Variants in CPAMD8 observed in about 807,000 individuals in gnomAD.
The protein encoded by CPAMD8 is C3 and PZP like alpha-2-macroglobulin domain containing 8, also known as C3 and PZP-like alpha-2-macroglobulin domain-containing protein 8.
A neutral mutation model predicts 224.7 loss-of-function variants in CPAMD8; 146 were observed. The ratio of observed to expected loss-of-function variants is 0.65; its 90% CI spans 0.57 to 0.75. The LOEUF is 0.75. Ranked by LOEUF, CPAMD8 falls within the 30% of genes least tolerant of loss-of-function variation. The pLI is 0.00. For missense variants in CPAMD8, 2,301 were observed against 2,537.5 expected (o/e 0.91, Z 2.00); for synonymous variants, 966 against 1,044.6 (o/e 0.92, Z 1.45).
At chr19:16,978,756 T>TC (rs2055373486) in intron 14 of CPAMD8, among the ~76,000 whole-genome samples, 1 of 152,076 alleles carries the variant, frequency 6.6e-6, no homozygotes, top group Non-Finnish European at 1.5e-5. Flanking sequence ...TATCCATCCA[T>TC]CCATCTATCC....
intron 12 of CPAMD8, among the ~76,000 whole-genome samples, chr19:16,991,522 A>T (rs745323095): frequency 9.9e-5 from 15 of 152,064 alleles, no homozygotes; most frequent in Non-Finnish European, 1.6e-4. Context: ...TGGTTCCTCA[A>T]GGAGTCTGAG....
rs570753697 is a variant in CPAMD8 at position 16,984,693 on chromosome 19, A to G, written c.1396-4007T>C. Among the ~76,000 whole-genome samples, 46 of 152,356 alleles carry G rather than the reference A, an allele frequency of 3.0e-4. No homozygotes were observed. The Middle Eastern group carries it at 0.017, about 56-fold the overall frequency. On this transcript the variant is annotated intron_variant, in intron 13 of 41. Transcript: ENST00000443236. ...ATTTAGAAAGAACTTTCACGACTCA[A>G]CAAAGATAAACAACCCAATTATTAA...
intron 8 of CPAMD8, among the ~76,000 whole-genome samples, chr19:17,002,816 G>A (rs1325446816): frequency 2.0e-5 from 3 of 152,170 alleles, no homozygotes; most frequent in African/African-American, 7.2e-5. Flanking sequence ...TGACACCCTG[G>A]AGCAGCCGGT....
At position 16,980,757 on chromosome 19, in the gene CPAMD8, A is replaced by T. The variant is rs886674602; in HGVS notation, c.1396-71T>A. On this transcript the variant is annotated intron_variant, in intron 13 of 41. Transcript: ENST00000443236. ...TGCAACCCACCACAGGAAGACGGCC[A>T]TTCTGGGGCCAGAGGGAGGTTGGGA... 8.6e-6 allele frequency: 11 copies of T among 1,283,774 alleles called. 1 individual carries two copies. In the African/African-American group the frequency reaches 1.4e-4, roughly 16 times the overall value. 79.5% of individuals were successfully genotyped at this position (1,283,774 alleles called of 1,614,324 possible).
Position 16,994,674 on chromosome 19 carries a change from T to C in CPAMD8, c.1096-1088A>G, listed in dbSNP as rs2122951964. On this transcript the variant is annotated intron_variant, in intron 11 of 41. Coordinates refer to ENST00000443236, the MANE Select transcript of CPAMD8 (RefSeq NM_015692.5). ...CTGGGACCACAGGTGTACAATACCA[T>C]GCCTGGCTAATTTTAAAAAAAAATC... Among the ~76,000 whole-genome samples, 4 of 93,060 alleles carry C rather than the reference T, an allele frequency of 4.3e-5. No homozygotes were observed. In the Middle Eastern group the frequency reaches 0.018, roughly 423 times the overall value. The allele number at this position is 93,060 out of a possible 152,430, so 61.1% of individuals were successfully genotyped here. A position where few individuals can be genotyped will look rare whatever the true frequency, so the allele number is the denominator to read the frequency against.
At chr19:16,958,493 TACC>T (rs1481631861) in intron 18 of CPAMD8, among the ~76,000 whole-genome samples, 3 of 152,388 alleles carry the variant, frequency 2.0e-5, no homozygotes, top group South Asian at 2.1e-4. Context: ...GGTATTTCTG[TACC>T]ACATTTTATT....
intron 7 of CPAMD8, among the ~76,000 whole-genome samples, chr19:17,006,840 T>G (rs1031736281): frequency 2.6e-5 from 4 of 152,204 alleles, no homozygotes; most frequent in Admixed American, 2.6e-4. Flanking sequence ...ATCTCTGAGT[T>G]TTGAACTTCT....
chr19:16,977,760 G>C (rs918947669), intron 14 of CPAMD8, among the ~76,000 whole-genome samples: 3 of 152,146 alleles, frequency 2.0e-5, no homozygotes, highest in Non-Finnish European at 4.4e-5. Flanking sequence ...GGCTCCTACA[G>C]AGCAGGCTGG....
intron 18 of CPAMD8, among the ~76,000 whole-genome samples, chr19:16,958,620 C>T (rs1051402430): frequency 3.3e-5 from 5 of 152,004 alleles, no homozygotes; most frequent in African/African-American, 1.2e-4. Flanking sequence ...GATTTATATT[C>T]CTTTGAGTAT....
chr19:16,893,056 G>T lies in CPAMD8; in HGVS notation c.*52C>A. On this transcript the variant is annotated 3_prime_UTR_variant, in exon 42 of 42. Coordinates refer to ENST00000443236, the MANE Select transcript of CPAMD8 (RefSeq NM_015692.5). ...AGGCACAAGCTGGGTGTGTGGGTATGAATGGTCCCCAGGACCAAACTGCGG... is the reference window on the plus strand; with the variant it reads ...AGGCACAAGCTGGGTGTGTGGGTATTAATGGTCCCCAGGACCAAACTGCGG... 1.2e-6 allele frequency: 1 copy of T among 838,062 alleles called. No homozygotes were observed. Among genetic ancestry groups the T allele is most frequent in the Non-Finnish European group, 2.1e-6 (1 of 473,052 alleles). 51.9% of individuals were successfully genotyped at this position (838,062 alleles called of 1,614,324 possible). A position where few individuals can be genotyped will look rare whatever the true frequency, so the allele number is the denominator to read the frequency against.
intron 14 of CPAMD8, 103 bp from the exon 15 acceptor site, chr19:16,977,643 TCTACGC>T (rs1160512080): frequency 1.2e-6 from 1 of 801,664 alleles, no homozygotes; most frequent in African/African-American, 1.7e-5. Context: ...TATGCTCCTG[TCTACGC>T]ATTGAGACAG....
chr19:16,897,112 A>G (rs2052042350), intron 39 of CPAMD8: 1 of 106,188 alleles, frequency 9.4e-6, no homozygotes, highest in East Asian at 3.2e-4. Context: ...CTCCGCACTG[A>G]CCACACCCAC....
intron 5 of CPAMD8, among the ~76,000 whole-genome samples, chr19:17,011,194 C>A (rs2056637515): frequency 6.6e-6 from 1 of 151,610 alleles, no homozygotes; most frequent in Admixed American, 6.6e-5. Flanking sequence ...GAGACTCGGT[C>A]TTGGGGAAAA....
chr19:16,949,666 T>C (rs546745002), intron 20 of CPAMD8, among the ~76,000 whole-genome samples: 1 of 152,274 alleles, frequency 6.6e-6, no homozygotes, highest in Admixed American at 6.5e-5. Context: ...CCATCTTCCC[T>C]GACCAGACCC....
At chr19:16,933,954 G>A (rs145274327) in intron 23 of CPAMD8, among the ~76,000 whole-genome samples, 244 of 152,212 alleles carry the variant, frequency 1.6e-3, no homozygotes, top group Non-Finnish European at 2.4e-3. Context: ...ACAGATGAAT[G>A]GATGAATACA....
chr19:16,906,593 G>A (rs1021654661), intron 30 of CPAMD8, among the ~76,000 whole-genome samples: 18 of 151,472 alleles, frequency 1.2e-4, no homozygotes, highest in Non-Finnish European at 2.1e-4. Context: ...TAGGAGAGAC[G>A]GGGTTTCACC....
chr19:16,897,610 GGAGCCCTCCCTGGCGTCC>G, intron 39 of CPAMD8, 63 bp downstream of exon 39: 1 of 778,510 alleles, frequency 1.3e-6, no homozygotes, highest in Non-Finnish European at 2.0e-6. Context: ...AGCCCCCAGG[GGAGCCCTCCCTGGCGTCC>G]GAGGGTGGGA....
chr19:17,017,014 G>C (rs113655097), intron 3 of CPAMD8, among the ~76,000 whole-genome samples: 1 of 152,100 alleles, frequency 6.6e-6, no homozygotes, highest in Admixed American at 6.5e-5. Flanking sequence ...TACACAGCAG[G>C]AGGTGAGCAG....
At chr19:16,926,933 G>A (rs1427501917) in intron 25 of CPAMD8, among the ~76,000 whole-genome samples, 1 of 152,110 alleles carries the variant, frequency 6.6e-6, no homozygotes, top group Non-Finnish European at 1.5e-5. Flanking sequence ...CTACCTGCCT[G>A]AGTCCCAGGG....
Sources: gnomAD v4.1 joint callset for allele counts (sites outside exome capture counted in the v4.1 genomes callset) on GRCh38, gnomAD v4.1.1 for gene constraint, MANE v1.5 for transcripts, NCBI Gene and HGNC (gene_info 2026-07-23, HGNC 2026-07-21) for gene names.